RYR2: variants seen among roughly 807,000 people sequenced by gnomAD.
The protein encoded by RYR2 is ryanodine receptor 2.
A neutral mutation model predicts 601.1 loss-of-function variants in RYR2; 227 were observed. The ratio of observed to expected loss-of-function variants is 0.38; its 90% confidence interval spans 0.34 to 0.42. RYR2 has a LOEUF of 0.42. Among genes scored for constraint, RYR2 ranks in the 10% least tolerant of loss-of-function variants. The pLI is 1.00. For synonymous variants in RYR2, 2,223 were observed against 2,175.1 expected (o/e 1.02, Z -0.61); for missense variants, 4,646 against 6,156.5 (o/e 0.75, Z 8.21).
In RYR2 at chr1:237,758,492, G is replaced by A. The variant is rs190938395; in HGVS notation, c.11325+716G>A. ...GTTTTGTGTCTATGTGCGTATATAT[G>A]TGTGTCTGTGTATCTGTGTATCATA... On this transcript the variant is annotated intron_variant, in intron 82 of 104. Transcript: ENST00000366574. Among the ~76,000 whole-genome samples, 258 of 152,296 alleles carry A rather than the reference G, an allele frequency of 1.7e-3. 1 individual carries two copies. Among genetic ancestry groups the A allele is most frequent in the African/African-American group, 5.9e-3 (247 of 41,558 alleles).
At chr1:237,632,487 C>T (rs1292534360) in intron 42 of RYR2, among the ~76,000 whole-genome samples, 1 of 151,770 alleles carries the variant, frequency 6.6e-6, no homozygotes, top group Admixed American at 6.6e-5. Flanking sequence ...CTCCGCCTCC[C>T]AGGTTCACTA....
chr1:237,281,916 A>C (rs1391365998), intron 2 of RYR2, among the ~76,000 whole-genome samples: 4 of 152,046 alleles, frequency 2.6e-5, no homozygotes, highest in South Asian at 4.1e-4. Context: ...TTTGTGAAAA[A>C]CTGAAAACTA....
At chr1:237,417,985 G>T (rs931109536) in intron 11 of RYR2, among the ~76,000 whole-genome samples, 4 of 152,048 alleles carry the variant, frequency 2.6e-5, no homozygotes, top group African/African-American at 9.7e-5. Flanking sequence ...TAGGATAACA[G>T]ACTCTATGGG....
intron 1 of RYR2, among the ~76,000 whole-genome samples, chr1:237,233,565 C>T (rs192661754): frequency 6.6e-6 from 1 of 152,170 alleles, no homozygotes; most frequent in African/African-American, 2.4e-5. Context: ...TGAATGTTTA[C>T]TCCATTTTTG....
chr1:237,204,768 A>AT (rs1681607101), intron 1 of RYR2, among the ~76,000 whole-genome samples: 2 of 152,202 alleles, frequency 1.3e-5, no homozygotes, highest in Admixed American at 6.5e-5. Context: ...GTCCTAAGTC[A>AT]GAGGAGATTC....
At chr1:237,762,577 C>T (rs913868843) in intron 84 of RYR2, among the ~76,000 whole-genome samples, 2 of 152,178 alleles carry the variant, frequency 1.3e-5, no homozygotes, top group Non-Finnish European at 2.9e-5. Flanking sequence ...ATAGCAGCCA[C>T]TTAGGTTATT....
intron 94 of RYR2, among the ~76,000 whole-genome samples, chr1:237,793,369 C>G (rs372970887): frequency 6.6e-6 from 1 of 152,202 alleles, no homozygotes; most frequent in African/African-American, 2.4e-5. Flanking sequence ...AATATTTTGA[C>G]AAACTGACAG....
intron 1 of RYR2, among the ~76,000 whole-genome samples, chr1:237,145,125 C>G (rs148613963): frequency 6.6e-6 from 1 of 151,638 alleles, no homozygotes. Context: ...ATGTAGATGA[C>G]GGGTTGATGG....
intron 2 of RYR2, among the ~76,000 whole-genome samples, chr1:237,313,329 G>C (rs979218093): frequency 2.6e-5 from 4 of 152,150 alleles, no homozygotes; most frequent in South Asian, 2.1e-4. Context: ...ATTAAGTTAA[G>C]GATTTTGGGG....
intron 8 of RYR2, among the ~76,000 whole-genome samples, chr1:237,380,442 A>C (rs1441616569): frequency 2.7e-5 from 3 of 111,162 alleles, no homozygotes; most frequent in African/African-American, 1.0e-4. Flanking sequence ...AAGTCTGGTG[A>C]GTATGAACCT....
chr1:237,400,248 T>C (rs1197050530), intron 10 of RYR2, among the ~76,000 whole-genome samples: 1 of 152,194 alleles, frequency 6.6e-6, no homozygotes, highest in Non-Finnish European at 1.5e-5. Context: ...TTTAAGGCAT[T>C]CATAGAGACT....
chr1:237,378,815 A>G (rs6669517), intron 8 of RYR2, among the ~76,000 whole-genome samples: 85 of 152,294 alleles, frequency 5.6e-4, no homozygotes, highest in African/African-American at 2.0e-3. Flanking sequence ...GTTTTGTTTC[A>G]CTTGCCTTGT....
intron 2 of RYR2, among the ~76,000 whole-genome samples, chr1:237,297,086 A>C (rs1383982524): frequency 1.3e-5 from 2 of 152,262 alleles, no homozygotes; most frequent in Non-Finnish European, 2.9e-5. Context: ...ATCTGGAAAA[A>C]ATCAGGGATG....
chr1:237,423,862 G>T (rs1248573721), intron 12 of RYR2, among the ~76,000 whole-genome samples: 1 of 152,156 alleles, frequency 6.6e-6, no homozygotes, highest in African/African-American at 2.4e-5. Flanking sequence ...GAGACTGGGT[G>T]ATTTATAATG....
intron 62 of RYR2, 89 bp from the exon 63 acceptor site, chr1:237,687,366 C>CTTTTTTT (rs10679267): frequency 7.6e-4 from 197 of 258,992 alleles, no homozygotes; most frequent in African/African-American, 1.2e-3. Flanking sequence ...TTTTCTTCTT[C>CTTTTTTT]TTTTTTTTTT....
intron 26 of RYR2, among the ~76,000 whole-genome samples, chr1:237,550,275 G>A (rs1471655213): frequency 6.6e-6 from 1 of 152,190 alleles, no homozygotes; most frequent in African/African-American, 2.4e-5. Flanking sequence ...GTGGCAGATG[G>A]AAGTGGTTAG....
At chr1:237,153,104 G>C (rs1280264612) in intron 1 of RYR2, among the ~76,000 whole-genome samples, 3 of 152,202 alleles carry the variant, frequency 2.0e-5, no homozygotes, top group Non-Finnish European at 2.9e-5. Context: ...TGTGTATTTA[G>C]ACAGGGAAAC....
intron 10 of RYR2, among the ~76,000 whole-genome samples, chr1:237,401,955 A>G (rs144688076): frequency 3.3e-5 from 5 of 152,304 alleles, no homozygotes; most frequent in African/African-American, 1.2e-4. Context: ...GTCTTCCAGG[A>G]ATGAAGGACA....
chr1:237,503,789 C>G (rs538455401), intron 22 of RYR2, among the ~76,000 whole-genome samples: 1 of 152,248 alleles, frequency 6.6e-6, no homozygotes, highest in South Asian at 2.1e-4. Flanking sequence ...CTCGCTGCAA[C>G]CTCTGCCTCC....
Sources: gnomAD v4.1 joint callset for allele counts (sites outside exome capture counted in the v4.1 genomes callset) on GRCh38, gnomAD v4.1.1 for gene constraint, MANE v1.5 for transcripts, NCBI Gene and HGNC (gene_info 2026-07-23, HGNC 2026-07-21) for gene names.